SCG3: variants seen among roughly 807,000 people sequenced by gnomAD.
SCG3 encodes the protein secretogranin III.
In SCG3, 38 loss-of-function variants were observed where a neutral mutation model predicts 56.2. That is an observed-to-expected ratio of 0.68 (90% CI 0.52 to 0.89). SCG3 has a LOEUF of 0.89. Ranked by LOEUF, SCG3 falls within the 40% of genes least tolerant of loss-of-function variation. SCG3 has a pLI of 0.00. For synonymous variants in SCG3, 176 were observed against 184.2 expected (o/e 0.96, Z 0.36); for missense variants, 524 against 540.7 (o/e 0.97, Z 0.31).
chr15:51,687,418 G>A (rs2055236111), intron 4 of SCG3, among the ~76,000 whole-genome samples: 1 of 152,164 alleles, frequency 6.6e-6, no homozygotes, highest in African/African-American at 2.4e-5. Flanking sequence ...ATTGATTCCT[G>A]GAAGATCTCC....
chr15:51,709,682 TATATATATA>T (rs2055400755), intron 10 of SCG3, among the ~76,000 whole-genome samples: 1 of 13,402 alleles, frequency 7.5e-5, no homozygotes, highest in Non-Finnish European at 2.0e-4. Context: ...TATATATATA[TATATATATA>T]TATATATATA....
intron 10 of SCG3, among the ~76,000 whole-genome samples, chr15:51,707,655 A>G (rs1014146707): frequency 6.6e-6 from 1 of 152,234 alleles, no homozygotes; most frequent in Admixed American, 6.5e-5. Flanking sequence ...AAAGTGGTGG[A>G]GCTGGCCTTG....
At chr15:51,689,484 T>A in intron 6 of SCG3, 116 bp downstream of exon 6, 1 of 1,313,692 alleles carries the variant, frequency 7.6e-7, no homozygotes, top group South Asian at 1.6e-5. Flanking sequence ...AGATTTGAGG[T>A]ATGTGGCATT....
At chr15:51,697,056 C>T (rs1451261717) in intron 8 of SCG3, among the ~76,000 whole-genome samples, 1 of 151,382 alleles carries the variant, frequency 6.6e-6, no homozygotes, top group Non-Finnish European at 1.5e-5. Context: ...GCAAAAAATC[C>T]TAAAAAGAAA....
At chr15:51,703,233 C>A (rs992139330) in intron 10 of SCG3, among the ~76,000 whole-genome samples, 4 of 152,166 alleles carry the variant, frequency 2.6e-5, no homozygotes, top group African/African-American at 9.7e-5. Flanking sequence ...CTTAAAGGTT[C>A]CCCACCCAGT....
At chr15:51,709,887 ATTTTTTTTT>A (rs67775073) in intron 10 of SCG3, among the ~76,000 whole-genome samples, 2 of 84,858 alleles carry the variant, frequency 2.4e-5, no homozygotes, top group Non-Finnish European at 4.4e-5. Flanking sequence ...CGCCCGGCTA[ATTTTTTTTT>A]TTTTTTTTTT....
At chr15:51,692,387 A>G in intron 7 of SCG3, 51 bp downstream of exon 7, 1 of 1,501,398 alleles carries the variant, frequency 6.7e-7, no homozygotes. Context: ...TGATTCCAGG[A>G]AATGTATGGG....
chr15:51,682,902 C>A (rs2055203924), intron 2 of SCG3, among the ~76,000 whole-genome samples, 177 bp from the exon 3 acceptor site: 1 of 152,178 alleles, frequency 6.6e-6, no homozygotes, highest in South Asian at 2.1e-4. Context: ...ACTGACTGAG[C>A]ATCTACCCTT....
In SCG3 at chr15:51,694,956, A is replaced by G. The variant is rs149268607; in HGVS notation, c.869-919A>G. 8.8e-3 allele frequency among the ~76,000 whole-genome samples: 1,330 copies of G among 151,974 alleles called. 19 individuals carry two copies. The highest frequency in any genetic ancestry group is 0.031 in the African/African-American group (1,273 of 41,458). On this transcript the variant is annotated intron_variant, in intron 7 of 11. Coordinates refer to ENST00000220478, the MANE Select transcript of SCG3 (RefSeq NM_013243.4). ...TGAGGTAGGAGAATCTCCTGAACCC[A>G]GGAGGCAGAGGTTGCAGTAAGCCGA...
chr15:51,695,014 G>A (rs2055293589), intron 7 of SCG3, among the ~76,000 whole-genome samples: 1 of 149,440 alleles, frequency 6.7e-6, no homozygotes, highest in Non-Finnish European at 1.5e-5. Context: ...CTGGGTGACA[G>A]AGTGAGACTC....
chr15:51,696,011 GTT>G lies in SCG3; in HGVS notation c.985+22_985+23del, dbSNP rs148869030. 2,919 of 1,361,654 alleles carry G rather than the reference GTT, an allele frequency of 2.1e-3. 49 individuals carry two copies. The African/African-American group carries it at 0.037, about 17-fold the overall frequency. The allele number at this position is 1,361,654 out of a possible 1,614,324, so 84.3% of individuals were successfully genotyped here. The stretch of plus-strand genomic sequence containing the variant: ...ACCTTGGTGAGATTCTATGTGTTTT[GTT>G]TCTACTGTGGTGGTTTTCATTGTTC... On this transcript the variant is annotated intron_variant, in intron 8 of 11. Transcript: ENST00000220478.
chr15:51,699,661 G>T (rs1021372431), intron 9 of SCG3, among the ~76,000 whole-genome samples: 3 of 152,022 alleles, frequency 2.0e-5, no homozygotes, highest in Admixed American at 6.6e-5. Flanking sequence ...AATCTTAGGT[G>T]GAAAGGAAAA....
Position 51,695,710 on chromosome 15 carries a change from G to A in SCG3, c.869-165G>A, listed in dbSNP as rs564580750. 3.1e-4 allele frequency: 174 copies of A among 566,914 alleles called. 2 individuals carry two copies. The highest frequency in any genetic ancestry group is 8.8e-5 in the South Asian group (4 of 45,648). 35.1% of individuals were successfully genotyped at this position (566,914 alleles called of 1,614,324 possible). The stretch of plus-strand genomic sequence containing the variant: ...GACTGTAGTGAGCCATGATCAGACC[G>A]GAGAATAGCCACTGCATTCCAGCCT... On this transcript the variant is annotated intron_variant, in intron 7 of 11. Transcript: ENST00000220478.
At chr15:51,719,257 C>G in intron 11 of SCG3, 151 bp from the exon 12 acceptor site, 1 of 626,126 alleles carries the variant, frequency 1.6e-6, no homozygotes, top group East Asian at 2.6e-5. Context: ...AAGTACTACA[C>G]AAATGCCAAG....
At chr15:51,708,304 C>T (rs2055388811) in intron 10 of SCG3, 1 of 152,232 alleles carries the variant, frequency 6.6e-6, no homozygotes, top group South Asian at 2.1e-4. Context: ...TATGAGCCAG[C>T]TGCTTTGCTC....
rs2055207333 is a variant in SCG3, at chr15:51,683,335, G to C, written c.298G>C (p.Asp100His). ...ACAATCTATAAGAAGCTCCCCACTT[G>C]ATAATAAGTTGAATGTGGAAGATGT... Reference protein sequence around the residue: ...ERQSIRSSPLDNKLNVEDVDS... With the variant: ...ERQSIRSSPLHNKLNVEDVDS... The change falls in exon 4 of 12, where the codon GAT (aspartate) becomes CAT (histidine). Residue 100 changes from aspartate to histidine, a missense_variant. Coordinates refer to ENST00000220478, the MANE Select transcript of SCG3 (RefSeq NM_013243.4). 6.2e-7 allele frequency: 1 copy of C among 1,613,340 alleles called. No homozygotes were observed. Among genetic ancestry groups the C allele is most frequent in the Non-Finnish European group, 8.5e-7 (1 of 1,179,386 alleles).
In SCG3 at chr15:51,684,785, A is replaced by G. The variant is rs1449430253; in HGVS notation, c.397+1351A>G. On this transcript the variant is annotated intron_variant, in intron 4 of 11. Coordinates refer to ENST00000220478, the MANE Select transcript of SCG3 (RefSeq NM_013243.4). ...GATTAATGCCTTTCTCCAAAACTAA[A>G]CTGAAAACTTCATAAGAATAGAGAC... 2.0e-5 allele frequency among the ~76,000 whole-genome samples: 3 copies of G among 152,194 alleles called. No homozygotes were observed. In the East Asian group the frequency reaches 5.8e-4, roughly 29 times the overall value.
At chr15:51,698,951 G>C (rs2055321734) in intron 8 of SCG3, among the ~76,000 whole-genome samples, 2 of 152,320 alleles carry the variant, frequency 1.3e-5, no homozygotes, top group South Asian at 4.1e-4. Flanking sequence ...CTGAGAGTGA[G>C]CCAGGGTTAG....
chr15:51,716,215 T>C (rs965025010), intron 11 of SCG3, among the ~76,000 whole-genome samples: 9 of 152,174 alleles, frequency 5.9e-5, no homozygotes, highest in African/African-American at 2.2e-4. Flanking sequence ...GTCTGCCTTT[T>C]ATTCCATTAA....
Sources: gnomAD v4.1 joint callset for allele counts (sites outside exome capture counted in the v4.1 genomes callset) on GRCh38, gnomAD v4.1.1 for gene constraint, MANE v1.5 for transcripts, NCBI Gene and HGNC (gene_info 2026-07-23, HGNC 2026-07-21) for gene names.